The following TTC38 variants were observed in gnomAD, a reference collection of about 807,000 sequenced individuals.
TTC38 encodes the protein tetratricopeptide repeat domain 38.
A neutral mutation model predicts 64.2 loss-of-function variants in TTC38; 64 were observed. That is an observed-to-expected ratio of 1.00 (90% CI 0.81 to 1.23). TTC38 has a LOEUF of 1.23. TTC38 is among the 50% of genes most tolerant of loss of function. The pLI is 0.00. For synonymous variants in TTC38, 254 were observed against 249.3 expected (o/e 1.02, Z -0.18); for missense variants, 573 against 615.5 (o/e 0.93, Z 0.73).
chr22:46,289,499 G>A lies in TTC38; in HGVS notation c.1180G>A (p.Val394Ile), dbSNP rs372817703. Residue 394 changes from valine (V) to isoleucine (I), a missense_variant, in exon 12 of 14, where the codon GTC becomes ATC. Val to Ile is a conservative substitution (Grantham distance 29, BLOSUM62 3). This residue lies in a region of TTC38 where 371 missense variants were observed against 381.8 expected (regional missense o/e 0.97). Transcript: ENST00000381031. ...VEAEDGNPDR[V>I]LELLLPIRYR... ...GGCTGAGGACGGGAACCCTGACCGCGTCCTGGAGCTGCTCCTGCCCATCCG... is the reference window on the plus strand; with the variant it reads ...GGCTGAGGACGGGAACCCTGACCGCATCCTGGAGCTGCTCCTGCCCATCCG... 9.9e-5 allele frequency: 159 copies of A among 1,608,276 alleles called. 1 individual carries two copies. The highest frequency in any genetic ancestry group is 5.7e-4 in the South Asian group (52 of 90,944).
chr22:46,275,425 T>G lies in TTC38; in HGVS notation c.539+4T>G, dbSNP rs752532821. ...CACCTGACATCCCCCTAAGCAGGTA[T>G]GTGCCAGCTGGAAATCACATTATTT... On this transcript the variant is annotated splice_donor_region_variant and intron_variant, in intron 5 of 13. Coordinates refer to ENST00000381031, the MANE Select transcript of TTC38 (RefSeq NM_017931.4). The surrounding 1 kb of genome is among the most constrained non-coding windows in gnomAD (Gnocchi z 4.5). The G allele has an allele frequency of 5.0e-6, 8 of 1,603,274 alleles. No homozygotes were observed. In the East Asian group the frequency reaches 1.8e-4, roughly 36 times the overall value.
chr22:46,276,005 G>A lies in TTC38; in HGVS notation c.539+584G>A, dbSNP rs1937000343. The stretch of plus-strand genomic sequence containing the variant: ...AGAGAAGAAGGCCTGGAATGTGCAT[G>A]AACAGCCCCAGTGACCACCACACAG... On this transcript the variant is annotated intron_variant, in intron 5 of 13. Coordinates refer to ENST00000381031, the MANE Select transcript of TTC38 (RefSeq NM_017931.4). The surrounding 1 kb of genome is among the most constrained non-coding windows in gnomAD (Gnocchi z 4.7). Among the ~76,000 whole-genome samples the A allele has an allele frequency of 6.6e-6, 1 of 151,616 alleles. No homozygotes were observed. The highest frequency in any genetic ancestry group is 6.6e-5 in the Admixed American group (1 of 15,228).
intron 7 of TTC38, 81 bp from the exon 8 acceptor site, chr22:46,283,892 G>A (rs1375886470): frequency 6.6e-6 from 4 of 609,570 alleles, no homozygotes; most frequent in Non-Finnish European, 1.1e-5. Context: ...GATGGTTTCT[G>A]CATTAGCACA....
chr22:46,292,729 C>A lies in TTC38; in HGVS notation c.1317-62C>A. ...TGTGTTCTGCCTTGGGACCAAGGGA[C>A]CACCAGGCCCCACATCCCTCTAGAA... On this transcript the variant is annotated intron_variant, in intron 13 of 13. Transcript: ENST00000381031. The surrounding 1 kb of genome is among the most constrained non-coding windows in gnomAD (Gnocchi z 6.5). 4 of 1,448,422 alleles carry A rather than the reference C, an allele frequency of 2.8e-6. No homozygotes were observed. The highest frequency in any genetic ancestry group is 2.8e-5 in the African/African-American group (2 of 71,782). 89.7% of individuals were successfully genotyped at this position (1,448,422 alleles called of 1,614,324 possible).
intron 2 of TTC38, among the ~76,000 whole-genome samples, chr22:46,269,795 G>C (rs1258472854): frequency 6.6e-6 from 1 of 152,090 alleles, no homozygotes; most frequent in East Asian, 1.9e-4. Flanking sequence ...TAGAGTACTC[G>C]ATTTGTTTTT....
Position 46,272,503 on chromosome 22 carries a change from G to T in TTC38, c.193+87G>T. 8.5e-7 allele frequency: 1 copy of T among 1,179,846 alleles called. No individual in the cohort carries two copies. The highest frequency in any genetic ancestry group is 2.4e-5 in the East Asian group (1 of 41,410). The allele number at this position is 1,179,846 out of a possible 1,614,324, so 73.1% of individuals were successfully genotyped here. A position where few individuals can be genotyped will look rare whatever the true frequency, so the allele number is the denominator to read the frequency against. ...TTTACCACAGGGACACAGTTGGGAT[G>T]GGGAAGGCAGGTTGGGTGGCAGCAA... On this transcript the variant is annotated intron_variant, in intron 3 of 13. Transcript: ENST00000381031. This position sits in a 1 kb window ranked among gnomAD's most constrained non-coding sequence, Gnocchi z 6.4.
At chr22:46,285,369 C>T (rs1174927354) in intron 9 of TTC38, 90 bp downstream of exon 9, 1 of 1,267,676 alleles carries the variant, frequency 7.9e-7, no homozygotes, top group East Asian at 2.3e-5. Context: ...TCAGGATTGT[C>T]CCAGCCAGAA....
At position 46,276,299 on chromosome 22, in the gene TTC38, T is replaced by TA. The variant is rs1338506581; in HGVS notation, c.539+879dup. On this transcript the variant is annotated intron_variant, in intron 5 of 13. Transcript: ENST00000381031. The surrounding 1 kb of genome is among the most constrained non-coding windows in gnomAD (Gnocchi z 4.7). ...AGTCTGCAGGCAGAATTTCTTCTTC[T>TA]AGGGGCCTCCGTCTTTCTCTTAAGG... 2.0e-5 allele frequency among the ~76,000 whole-genome samples: 3 copies of TA among 152,176 alleles called. No individual in the cohort carries two copies. The highest frequency in any genetic ancestry group is 4.4e-5 in the Non-Finnish European group (3 of 68,028).
rs895387967 is a variant in TTC38 at position 46,293,672 on chromosome 22, C to G, written c.*788C>G. On this transcript the variant is annotated 3_prime_UTR_variant, in exon 14 of 14. Coordinates refer to ENST00000381031, the MANE Select transcript of TTC38 (RefSeq NM_017931.4). The surrounding 1 kb of genome is among the most constrained non-coding windows in gnomAD (Gnocchi z 6.6). ...TGCAAGGATTGAGCTCAGAGCTGCT[C>G]TGTTGTGGCAAAACCCAAAGTGCTG... 6.6e-6 allele frequency: 1 copy of G among 152,260 alleles called. No homozygotes were observed. Among genetic ancestry groups the G allele is most frequent in the Admixed American group, 6.5e-5 (1 of 15,282 alleles). 9.4% of individuals were successfully genotyped at this position (152,260 alleles called of 1,614,324 possible).
chr22:46,286,012 C>T (rs945879924), intron 9 of TTC38, among the ~76,000 whole-genome samples: 1 of 67,970 alleles, frequency 1.5e-5, no homozygotes, highest in East Asian at 2.5e-4. Flanking sequence ...GAGACTCTGT[C>T]TCAAAAAAAA....
rs1025156682 is a variant in TTC38, at chr22:46,288,700, A to C, written c.1082+112A>C. On this transcript the variant is annotated intron_variant, in intron 11 of 13. Coordinates refer to ENST00000381031, the MANE Select transcript of TTC38 (RefSeq NM_017931.4). The stretch of plus-strand genomic sequence containing the variant: ...TGCCTGCCCCGCCTGTGAGTGCAGC[A>C]GGGGGGATGCCCATGGAGGCAGCTC... 8.9e-6 allele frequency: 10 copies of C among 1,123,378 alleles called. No individual in the cohort carries two copies. The African/African-American group carries it at 1.1e-4, about 12-fold the overall frequency. The allele number at this position is 1,123,378 out of a possible 1,614,324, so 69.6% of individuals were successfully genotyped here. A position where few individuals can be genotyped will look rare whatever the true frequency, so the allele number is the denominator to read the frequency against.
rs1021282546 is a variant in TTC38 at position 46,292,291 on chromosome 22, T to C, written c.1317-500T>C. Reference sequence around the variant, plus strand: ...CTCAAACTCCTGGGCTCAAGGAATCTTCCTGCCTCATCCTTCCATCGTGCA... The same window carrying C: ...CTCAAACTCCTGGGCTCAAGGAATCCTCCTGCCTCATCCTTCCATCGTGCA... On this transcript the variant is annotated intron_variant, in intron 13 of 13. Coordinates refer to ENST00000381031, the MANE Select transcript of TTC38 (RefSeq NM_017931.4). This position sits in a 1 kb window ranked among gnomAD's most constrained non-coding sequence, Gnocchi z 6.5. 4.8e-6 allele frequency: 2 copies of C among 416,778 alleles called. No individual in the cohort carries two copies. Among genetic ancestry groups the C allele is most frequent in the Admixed American group, 2.8e-5 (1 of 35,600 alleles). 25.8% of individuals were successfully genotyped at this position (416,778 alleles called of 1,614,324 possible).
rs781101131 is a variant in TTC38 at position 46,273,924 on chromosome 22, C to T, written c.220C>T (p.Leu74Phe). ...FVMGHAMATGLVLIGTGSSVK... is the reference protein window; with the variant it reads ...FVMGHAMATGFVLIGTGSSVK... ...GATGGGCCACGCCATGGCTACTGGC[C>T]TTGTGCTGATTGGCACTGGAAGCTC... The change falls in exon 4 of 14, where the codon CTT becomes TTT. Residue 74 changes from leucine (L) to phenylalanine (F), a missense_variant. Physicochemically the swap from Leu to Phe is conservative, Grantham distance 22. This residue lies in a region of TTC38 where 134 missense variants were observed against 126.5 expected (regional missense o/e 1.06). Coordinates refer to ENST00000381031, the MANE Select transcript of TTC38 (RefSeq NM_017931.4). The surrounding 1 kb of genome is among the most constrained non-coding windows in gnomAD (Gnocchi z 5.1). 2.5e-6 allele frequency: 4 copies of T among 1,614,244 alleles called. No homozygotes were observed. The highest frequency in any genetic ancestry group is 3.4e-6 in the Non-Finnish European group (4 of 1,180,050).
intron 6 of TTC38, chr22:46,280,039 C>G (rs1160340960): frequency 2.2e-6 from 1 of 446,900 alleles, no homozygotes; most frequent in Non-Finnish European, 4.7e-6. Context: ...TCCATTGCTC[C>G]CCTTTCGCCT....
intron 2 of TTC38, chr22:46,269,090 C>T (rs919605793): frequency 4.2e-5 from 14 of 336,238 alleles, no homozygotes; most frequent in Admixed American, 1.1e-4. Context: ...ATATCTCTGC[C>T]CCCCCCCCAC....
At position 46,274,070 on chromosome 22, in the gene TTC38, G is replaced by A; in HGVS notation, c.365+1G>A. 1 of 1,613,722 alleles carries A rather than the reference G, an allele frequency of 6.2e-7. No individual in the cohort carries two copies. Among genetic ancestry groups the A allele is most frequent in the Non-Finnish European group, 8.5e-7 (1 of 1,179,926 alleles). On this transcript the variant is annotated splice_donor_variant, in intron 4 of 13. Coordinates refer to ENST00000381031, the MANE Select transcript of TTC38 (RefSeq NM_017931.4). LOFTEE classifies it high-confidence loss of function. The surrounding 1 kb of genome is among the most constrained non-coding windows in gnomAD (Gnocchi z 4.8). Reference sequence around the variant, plus strand: ...CTGCAGTAGAGACATTTGCCAATGGGTGAGGGGCCTCCCTGGGCTGGGAGC... The same window carrying A: ...CTGCAGTAGAGACATTTGCCAATGGATGAGGGGCCTCCCTGGGCTGGGAGC...
rs1229998367 is a variant in TTC38, at chr22:46,275,730, T to A, written c.539+309T>A. Among the ~76,000 whole-genome samples, 2 of 152,218 alleles carry A rather than the reference T, an allele frequency of 1.3e-5. No homozygotes were observed. The highest frequency in any genetic ancestry group is 2.4e-5 in the African/African-American group (1 of 41,456). On this transcript the variant is annotated intron_variant, in intron 5 of 13. Transcript: ENST00000381031. The surrounding 1 kb of genome is among the most constrained non-coding windows in gnomAD (Gnocchi z 4.5). Reference sequence around the variant, plus strand: ...TTTCACTCATACTACGTGGCTACCTTAGAAGGGCTGAGGGCTCTGCCACCA... The same window carrying A: ...TTTCACTCATACTACGTGGCTACCTAAGAAGGGCTGAGGGCTCTGCCACCA...
In TTC38 at chr22:46,291,736, C is replaced by T. The variant is rs556559176; in HGVS notation, c.1317-1055C>T. On this transcript the variant is annotated intron_variant, in intron 13 of 13. Coordinates refer to ENST00000381031, the MANE Select transcript of TTC38 (RefSeq NM_017931.4). This position sits in a 1 kb window ranked among gnomAD's most constrained non-coding sequence, Gnocchi z 4.6. Reference sequence around the variant, plus strand: ...TTCGGAGGCCAAGGCGGGTGGATCACCTGAGGTCAGGAGTTCAAGACCAGC... The same window carrying T: ...TTCGGAGGCCAAGGCGGGTGGATCATCTGAGGTCAGGAGTTCAAGACCAGC... 2.6e-4 allele frequency among the ~76,000 whole-genome samples: 40 copies of T among 152,252 alleles called. No individual in the cohort carries two copies. Among genetic ancestry groups the T allele is most frequent in the African/African-American group, 4.3e-4 (18 of 41,538 alleles).
chr22:46,283,650 G>A lies in TTC38; in HGVS notation c.736-323G>A, dbSNP rs373990279. Among the ~76,000 whole-genome samples the A allele has an allele frequency of 4.6e-5, 7 of 152,004 alleles. No homozygotes were observed. The East Asian group carries it at 5.8e-4, about 13-fold the overall frequency. ...GCGGATCACCTGAGGTCAGAAGTTC[G>A]AGACCACCCTGGCCAACATGGTGAA... is the stretch of plus-strand genomic sequence containing the variant. On this transcript the variant is annotated intron_variant, in intron 7 of 13. Coordinates refer to ENST00000381031, the MANE Select transcript of TTC38 (RefSeq NM_017931.4).
Sources: gnomAD v4.1 joint callset for allele counts (sites outside exome capture counted in the v4.1 genomes callset) on GRCh38, gnomAD v4.1.1 for gene constraint, gnomAD v4.1.1 regional missense constraint, Gnocchi (gnomAD v3.1) non-coding constraint, MANE v1.5 for transcripts, NCBI Gene and HGNC (gene_info 2026-07-23, HGNC 2026-07-21) for gene names.